Variants in PLIN2 observed in about 807,000 individuals in gnomAD.
PLIN2 encodes the protein perilipin 2.
A neutral mutation model predicts 30.6 loss-of-function variants in PLIN2; 33 were observed. That is an observed-to-expected ratio of 1.08 (90% CI 0.82 to 1.44). The LOEUF (loss-of-function observed/expected upper bound fraction) is 1.44, where lower values mean the gene tolerates loss of function less well. Ranked by LOEUF, PLIN2 falls within the 40% of genes most tolerant of loss-of-function variation. The probability of loss-of-function intolerance (pLI) is 0.00; values close to 1 mark genes in which losing one functional copy is unlikely to be tolerated. For missense variants in PLIN2, 610 were observed against 531.8 expected, an observed-to-expected ratio of 1.15 and a Z score of -1.45; for synonymous variants, 205 against 201.1, an observed-to-expected ratio of 1.02 and a Z score of -0.16.
chr9:19,110,475 T>TTTTG (rs767301467), intron 2 of PLIN2, among the ~76,000 whole-genome samples: 1 of 148,876 alleles, frequency 6.7e-6, no homozygotes, highest in South Asian at 2.1e-4. Flanking sequence ...TTTCGTTTTG[T>TTTTG]TTTGTTTGTT....
rs550106775 is a variant in PLIN2, at chr9:19,127,091, G to C, written c.-23+328C>G. ...GTTTCCCTTTCGATAATGTCCCTTC[G>C]ACAAATATTGTTTTCCCACAACCAC... On this transcript the variant is annotated intron_variant, in intron 1 of 7. Transcript: ENST00000276914. This position sits in a 1 kb window ranked among gnomAD's most constrained non-coding sequence, Gnocchi z 4.3. Among the ~76,000 whole-genome samples, 1 of 152,196 alleles carries C rather than the reference G, an allele frequency of 6.6e-6. No individual in the cohort carries two copies. The highest frequency in any genetic ancestry group is 6.5e-5 in the Admixed American group (1 of 15,292).
intron 2 of PLIN2, among the ~76,000 whole-genome samples, chr9:19,109,540 GAAAAAAA>G (rs34665873): frequency 1.6e-5 from 2 of 127,578 alleles, no homozygotes; most frequent in Admixed American, 1.7e-4. Flanking sequence ...GACTCTGTCT[GAAAAAAA>G]AAAAAAAGAA....
intron 7 of PLIN2, among the ~76,000 whole-genome samples, chr9:19,118,117 A>G (rs893646677): frequency 9.2e-5 from 14 of 152,296 alleles, no homozygotes; most frequent in South Asian, 4.1e-4. Context: ...CACTTGGGGC[A>G]TATGTATACT....
chr9:19,118,371 ACT>A lies in PLIN2; in HGVS notation c.860_861del (p.Glu287ValfsTer8), dbSNP rs1170809469. ...TCATCATATCCAATGCTCCTTTTCCACTCTACCCATGAGAGGTAGAGCTTATC... is the reference window on the plus strand; with the variant it reads ...TCATCATATCCAATGCTCCTTTTCCACTACCCATGAGAGGTAGAGCTTATC... Reference protein sequence around the residue: ...AQDKLYLSWVEWKRSIGYDDT... With the variant: ...AQDKLYLSWVXWKRSIGYDDT... On this transcript the variant is annotated frameshift_variant, in exon 7 of 8. Transcript: ENST00000276914. LOFTEE classifies it high-confidence loss of function. The A allele has an allele frequency of 2.5e-6, 4 of 1,612,068 alleles. No individual in the cohort carries two copies. In the South Asian group the frequency reaches 4.4e-5, roughly 18 times the overall value.
chr9:19,123,567 G>C lies in PLIN2; in HGVS notation c.307C>G (p.Gln103Glu). 6.2e-7 allele frequency: 1 copy of C among 1,614,210 alleles called. No homozygotes were observed. The highest frequency in any genetic ancestry group is 8.5e-7 in the Non-Finnish European group (1 of 1,180,028). ...RLPILNQPST[Q>E]IVANAKGAVT... ...CAGCACTTTTGTCCCAAGCTCACCT[G>C]AGTTGATGGCTGATTCAGAATAGGC... Residue 103 changes from glutamine to glutamate, a missense_variant and splice_region_variant, in exon 4 of 8, where the codon CAG (glutamine) becomes GAG (glutamate). By Grantham distance (29) the Gln-to-Glu change is conservative (BLOSUM62 2). Coordinates refer to ENST00000276914, the MANE Select transcript of PLIN2 (RefSeq NM_001122.4).
At chr9:19,113,773 G>GT (rs753031655), downstream of PLIN2, among the ~76,000 whole-genome samples, 20 of 143,690 alleles carry the variant, frequency 1.4e-4, 1 homozygote, top group Non-Finnish European at 1.8e-4. Context: ...TGTTATTTTT[G>GT]GTTTTTTTTT....
downstream of PLIN2, among the ~76,000 whole-genome samples, chr9:19,115,310 C>CTT (rs796763566): frequency 1.1e-4 from 15 of 137,794 alleles, no homozygotes; most frequent in Non-Finnish European, 1.9e-4. Context: ...ATTTTCTTTT[C>CTT]TTTTTTTTTT....
At chr9:19,113,047 A>G (rs1419549090), downstream of PLIN2, among the ~76,000 whole-genome samples, 1 of 152,118 alleles carries the variant, frequency 6.6e-6, no homozygotes, top group Non-Finnish European at 1.5e-5. Context: ...TGTTCAGGAT[A>G]AGAAAGCATG....
downstream of PLIN2, among the ~76,000 whole-genome samples, chr9:19,113,867 C>T (rs930584486): frequency 2.0e-5 from 3 of 151,690 alleles, no homozygotes; most frequent in Non-Finnish European, 4.4e-5. Context: ...CTCCACCTCC[C>T]GGGTTCAAAC....
chr9:19,111,011 C>T (rs776615368), downstream of PLIN2, among the ~76,000 whole-genome samples: 1 of 152,130 alleles, frequency 6.6e-6, no homozygotes, highest in Admixed American at 6.6e-5. Context: ...ATTTTCCCCT[C>T]GACTGCCTTC....
At position 19,119,471 on chromosome 9, in the gene PLIN2, A is replaced by G. The variant is rs534398581; in HGVS notation, c.777+179T>C. 3.3e-5 allele frequency among the ~76,000 whole-genome samples: 5 copies of G among 152,238 alleles called. No homozygotes were observed. The South Asian group carries it at 6.2e-4, about 19-fold the overall frequency. The stretch of plus-strand genomic sequence containing the variant: ...CAGAGCGAGATTAGCATTGCTTCCT[A>G]TATTTCAACTAGTTATACTTCCTTT... On this transcript the variant is annotated intron_variant, in intron 6 of 7. Transcript: ENST00000276914.
At chr9:19,126,371 A>T in intron 2 of PLIN2, 26 bp downstream of exon 2, 1 of 1,613,940 alleles carries the variant, frequency 6.2e-7, no homozygotes, top group South Asian at 1.1e-5. Flanking sequence ...GAGAGAAAGT[A>T]GACAAAGGCT....
chr9:19,123,312 C>A, intron 4 of PLIN2: 1 of 1,522,050 alleles, frequency 6.6e-7, no homozygotes, highest in Non-Finnish European at 8.9e-7. Context: ...TTTATAGGAG[C>A]AAAGACACAA....
chr9:19,110,293 G>C (rs2131171618), intron 2 of PLIN2, among the ~76,000 whole-genome samples: 1 of 152,136 alleles, frequency 6.6e-6, no homozygotes, highest in Non-Finnish European at 1.5e-5. Flanking sequence ...TTCCCAAAAT[G>C]TTGGGATTAC....
rs368385021 is a variant in PLIN2 at position 19,116,520 on chromosome 9, C to A, written c.1042G>T (p.Val348Leu). The A allele has an allele frequency of 6.2e-7, 1 of 1,614,124 alleles. No individual in the cohort carries two copies. Among genetic ancestry groups the A allele is most frequent in the South Asian group, 1.1e-5 (1 of 91,076 alleles). ...NIQDQAKHMG[V>L]MAGDIYSVFR... is the part of the protein sequence containing the mutation. ...ACTGAGTAGATGTCGCCTGCCATCACCCCCATGTGCTTGGCTTGATCTTGG... is the reference window on the plus strand; with the variant it reads ...ACTGAGTAGATGTCGCCTGCCATCAACCCCATGTGCTTGGCTTGATCTTGG... Residue 348 changes from valine to leucine, a missense_variant, in exon 8 of 8, where the codon GTG becomes TTG. Val to Leu is a conservative substitution (Grantham distance 32). Coordinates refer to ENST00000276914, the MANE Select transcript of PLIN2 (RefSeq NM_001122.4).
rs138070478 is a variant in PLIN2 at position 19,116,440 on chromosome 9, G to A, written c.1122C>T (p.Ser374=). 14 of 1,614,130 alleles carry A rather than the reference G, an allele frequency of 8.7e-6. No individual in the cohort carries two copies. Among genetic ancestry groups the A allele is most frequent in the Non-Finnish European group, 1.2e-5 (14 of 1,180,000 alleles). The change falls in exon 8 of 8, where the codon AGC becomes AGT. Residue 374 remains serine, a synonymous_variant. Transcript: ENST00000276914. ...CCTTCATTTTCTGCAGCTGCCCCTT[G>A]CTAGAAGTGAGGAGGCTGTCAGACA... The part of the protein sequence containing the change: ...KEVSDSLLTS[S]KGQLQKMKES...
In PLIN2 at chr9:19,127,225, C is replaced by A. The variant is rs1240269284; in HGVS notation, c.-23+194G>T. On this transcript the variant is annotated intron_variant, in intron 1 of 7. Coordinates refer to ENST00000276914, the MANE Select transcript of PLIN2 (RefSeq NM_001122.4). The surrounding 1 kb of genome is among the most constrained non-coding windows in gnomAD (Gnocchi z 4.3). Reference sequence around the variant, plus strand: ...GAAAGCGCGGGTTCAGCAGACCGCCCCTACCCAGCCAGGACCTGGAAGCCG... The same window carrying A: ...GAAAGCGCGGGTTCAGCAGACCGCCACTACCCAGCCAGGACCTGGAAGCCG... 6.6e-6 allele frequency among the ~76,000 whole-genome samples: 1 copy of A among 152,210 alleles called. No individual in the cohort carries two copies. Among genetic ancestry groups the A allele is most frequent in the Non-Finnish European group, 1.5e-5 (1 of 68,028 alleles).
Position 19,116,601 on chromosome 9 carries a change from G to A in PLIN2, c.961C>T (p.Leu321Phe), listed in dbSNP as rs1038207307. Residue 321 changes from leucine (L) to phenylalanine (F), a missense_variant, in exon 8 of 8, where the codon CTC becomes TTC. Coordinates refer to ENST00000276914, the MANE Select transcript of PLIN2 (RefSeq NM_001122.4). ...LAIARNLTQQ[L>F]QTTCHTLLSN... ...AGGAGGGTGTGGCACGTGGTCTGGA[G>A]CTGCTGAGTCAGGTTGCGGGCAATT... 16 of 1,614,070 alleles carry A rather than the reference G, an allele frequency of 9.9e-6. No homozygotes were observed. The highest frequency in any genetic ancestry group is 1.3e-5 in the Non-Finnish European group (15 of 1,179,972).
At chr9:19,118,140 G>A (rs1200969903) in intron 7 of PLIN2, among the ~76,000 whole-genome samples, 181 bp downstream of exon 7, 1 of 152,216 alleles carries the variant, frequency 6.6e-6, no homozygotes, top group Non-Finnish European at 1.5e-5. Context: ...TAGGTTGTTA[G>A]ATAAAATTAT....
Sources: allele counts gnomAD v4.1 joint callset (sites outside exome capture counted in the v4.1 genomes callset), GRCh38; gene constraint gnomAD v4.1.1; non-coding constraint Gnocchi (gnomAD v3.1); transcripts MANE v1.5; gene names NCBI Gene and HGNC (gene_info 2026-07-23, HGNC 2026-07-21).